RNF144B: variants seen among roughly 807,000 people sequenced by gnomAD.
RNF144B encodes the protein E3 ubiquitin-protein ligase RNF144B.
A neutral mutation model predicts 40.2 loss-of-function variants in RNF144B; 25 were observed. The observed-to-expected ratio is 0.62, with a 90% CI of 0.45 to 0.87. The LOEUF is 0.87. RNF144B is among the 40% of genes least tolerant of loss of function. The probability of loss-of-function intolerance (pLI) is 0.00; values close to 1 mark genes in which losing one functional copy is unlikely to be tolerated. For synonymous variants in RNF144B, 145 were observed against 136.3 expected, an observed-to-expected ratio of 1.06 and a Z score of -0.44; for missense variants, 365 against 373.7, an observed-to-expected ratio of 0.98 and a Z score of 0.19.
At chr6:18,432,645 A>G (rs1024549342) in intron 3 of RNF144B, among the ~76,000 whole-genome samples, 2 of 152,234 alleles carry the variant, frequency 1.3e-5, no homozygotes, top group African/African-American at 4.8e-5. Context: ...AGTAGCATCC[A>G]TCACTTCCTG....
At chr6:18,392,562 T>C (rs1173467925) in intron 1 of RNF144B, among the ~76,000 whole-genome samples, 2 of 152,172 alleles carry the variant, frequency 1.3e-5, no homozygotes, top group Non-Finnish European at 2.9e-5. Context: ...TGTGATCTCA[T>C]TGCCATCCTA....
rs1483904412 is a variant in RNF144B, at chr6:18,414,881, T to C, written c.166-12700T>C. 6.6e-6 allele frequency among the ~76,000 whole-genome samples: 1 copy of C among 152,158 alleles called. No homozygotes were observed. Among genetic ancestry groups the C allele is most frequent in the Non-Finnish European group, 1.5e-5 (1 of 68,020 alleles). The stretch of plus-strand genomic sequence containing the variant: ...AGTTTGTTATGAAACAAGATAAAGA[T>C]TTTTACAACAAATACCTGTAGAGTT... On this transcript the variant is annotated intron_variant, in intron 2 of 7. Coordinates refer to ENST00000259939, the MANE Select transcript of RNF144B (RefSeq NM_182757.4). The surrounding 1 kb of genome is among the most constrained non-coding windows in gnomAD (Gnocchi z 4.9).
rs548292889 is a variant in RNF144B at position 18,450,130 on chromosome 6, T to C, written c.332-7025T>C. Among the ~76,000 whole-genome samples, 1 of 152,362 alleles carries C rather than the reference T, an allele frequency of 6.6e-6. No homozygotes were observed. The highest frequency in any genetic ancestry group is 1.9e-4 in the East Asian group (1 of 5,188). On this transcript the variant is annotated intron_variant, in intron 4 of 7. Transcript: ENST00000259939. This position sits in a 1 kb window ranked among gnomAD's most constrained non-coding sequence, Gnocchi z 4.7. ...CCAGTTTTGGTTTCTCCTCTTTTTG[T>C]GCTGTGCAAATTCTGCACTTTCCCA...
rs1759598328 is a variant in RNF144B at position 18,467,509 on chromosome 6, G to A, written c.*2442G>A. The stretch of plus-strand genomic sequence containing the variant: ...TAACATTGAAAAGTGCCTGAAAAAT[G>A]GTAAATTCTTAAATGTGTGTGAGAT... On this transcript the variant is annotated 3_prime_UTR_variant, in exon 8 of 8. Coordinates refer to ENST00000259939, the MANE Select transcript of RNF144B (RefSeq NM_182757.4). The A allele has an allele frequency of 7.0e-6, 1 of 142,902 alleles. No homozygotes were observed. The highest frequency in any genetic ancestry group is 1.5e-5 in the Non-Finnish European group (1 of 66,722). The allele number at this position is 142,902 out of a possible 1,614,324, so 8.9% of individuals were successfully genotyped here. A position where few individuals can be genotyped will look rare whatever the true frequency, so the allele number is the denominator to read the frequency against.
intron 1 of RNF144B, among the ~76,000 whole-genome samples, chr6:18,393,165 GT>G (rs1794621485): frequency 6.6e-6 from 1 of 151,604 alleles, no homozygotes; most frequent in African/African-American, 2.4e-5. Context: ...GTTTATTTAA[GT>G]AATTGCAGTT....
rs1217623775 is a variant in RNF144B, at chr6:18,434,691, G to A, written c.271-4993G>A. Among the ~76,000 whole-genome samples, 2 of 152,010 alleles carry A rather than the reference G, an allele frequency of 1.3e-5. No individual in the cohort carries two copies. Among genetic ancestry groups the A allele is most frequent in the African/African-American group, 2.4e-5 (1 of 41,392 alleles). On this transcript the variant is annotated intron_variant, in intron 3 of 7. Transcript: ENST00000259939. The surrounding 1 kb of genome is among the most constrained non-coding windows in gnomAD (Gnocchi z 4.1). ...GGCTGGAATGCAGTGGTGCGATCTC[G>A]GCTCACTGCAAGCTCCGCCTCCCAG... is the stretch of plus-strand genomic sequence containing the variant.
chr6:18,408,252 T>A (rs1005840753), intron 2 of RNF144B, among the ~76,000 whole-genome samples: 1 of 152,178 alleles, frequency 6.6e-6, no homozygotes, highest in Non-Finnish European at 1.5e-5. Flanking sequence ...CCCAAAGTGC[T>A]GGGATTACAG....
In RNF144B at chr6:18,467,291, G is replaced by A. The variant is rs9396868; in HGVS notation, c.*2224G>A. On this transcript the variant is annotated 3_prime_UTR_variant, in exon 8 of 8. Transcript: ENST00000259939. ...AAAGACTGTGTTATCAGAGGAAGAGGTCCCAAATTTGGAGTAAAGATGGGA... is the reference window on the plus strand; with the variant it reads ...AAAGACTGTGTTATCAGAGGAAGAGATCCCAAATTTGGAGTAAAGATGGGA... The A allele has an allele frequency of 0.16, 24,055 of 152,174 alleles. 1,977 individuals carry two copies. The highest frequency in any genetic ancestry group is 0.22 in the African/African-American group (8,895 of 41,316). The allele number at this position is 152,174 out of a possible 1,614,324, so 9.4% of individuals were successfully genotyped here. A position where few individuals can be genotyped will look rare whatever the true frequency, so the allele number is the denominator to read the frequency against.
In RNF144B at chr6:18,465,096, T is replaced by C. The variant is rs780189029; in HGVS notation, c.*29T>C. ...TCTCTGTGTTCATACGCCCCAGATA[T>C]GTGAGTTACATGAGATGGCACAGTG... On this transcript the variant is annotated 3_prime_UTR_variant, in exon 8 of 8. Transcript: ENST00000259939. The C allele has an allele frequency of 1.2e-6, 2 of 1,611,036 alleles. No individual in the cohort carries two copies. Among genetic ancestry groups the C allele is most frequent in the East Asian group, 2.2e-5 (1 of 44,748 alleles).
chr6:18,388,741 A>G (rs1562036447), intron 1 of RNF144B, among the ~76,000 whole-genome samples: 1 of 152,160 alleles, frequency 6.6e-6, no homozygotes. Context: ...AGATAATTGT[A>G]TTATGAAATC....
chr6:18,421,744 C>T (rs759669121), intron 2 of RNF144B, among the ~76,000 whole-genome samples: 2 of 152,026 alleles, frequency 1.3e-5, no homozygotes, highest in Non-Finnish European at 2.9e-5. Context: ...CACCTTTGCA[C>T]GCAGTTTGAA....
intron 2 of RNF144B, among the ~76,000 whole-genome samples, chr6:18,423,334 A>T (rs544053): frequency 0.99 from 150,019 of 152,286 alleles, 73,930 homozygotes; most frequent in East Asian, 1. Context: ...CATTGGCTAT[A>T]GATTATAATG....
Position 18,422,572 on chromosome 6 carries a change from A to T in RNF144B, c.166-5009A>T, listed in dbSNP as rs1466848100. Among the ~76,000 whole-genome samples the T allele has an allele frequency of 2.0e-5, 3 of 151,924 alleles. No individual in the cohort carries two copies. The highest frequency in any genetic ancestry group is 7.3e-5 in the African/African-American group (3 of 41,258). On this transcript the variant is annotated intron_variant, in intron 2 of 7. Coordinates refer to ENST00000259939, the MANE Select transcript of RNF144B (RefSeq NM_182757.4). This position sits in a 1 kb window ranked among gnomAD's most constrained non-coding sequence, Gnocchi z 4.7. ...ACCTAGGTCAATAGTTCACCAACTC[A>T]CCTTCAAGCCAGGTGGGCTGACAAG...
rs1290767360 is a variant in RNF144B at position 18,448,320 on chromosome 6, C to A, written c.331+8576C>A. On this transcript the variant is annotated intron_variant, in intron 4 of 7. Transcript: ENST00000259939. The surrounding 1 kb of genome is among the most constrained non-coding windows in gnomAD (Gnocchi z 4.0). The stretch of plus-strand genomic sequence containing the variant: ...TTACTTGGGGGTAGGTTTAGGTCAT[C>A]TCTATCAGGAAAGAAGGTGGAGAGG... 6.6e-6 allele frequency among the ~76,000 whole-genome samples: 1 copy of A among 151,870 alleles called. No homozygotes were observed. The highest frequency in any genetic ancestry group is 1.9e-4 in the East Asian group (1 of 5,170).
In RNF144B at chr6:18,443,916, A is replaced by C. The variant is rs72832476; in HGVS notation, c.331+4172A>C. On this transcript the variant is annotated intron_variant, in intron 4 of 7. Coordinates refer to ENST00000259939, the MANE Select transcript of RNF144B (RefSeq NM_182757.4). This position sits in a 1 kb window ranked among gnomAD's most constrained non-coding sequence, Gnocchi z 4.7. Reference sequence around the variant, plus strand: ...TAAATGACTAACCAACTGAAAGAAAATCTCATTGGCTGGACTGTGAGACAG... The same window carrying C: ...TAAATGACTAACCAACTGAAAGAAACTCTCATTGGCTGGACTGTGAGACAG... 0.011 allele frequency among the ~76,000 whole-genome samples: 1,665 copies of C among 152,282 alleles called. 22 individuals are homozygous for C. The highest frequency in any genetic ancestry group is 0.027 in the Middle Eastern group (8 of 294).
At chr6:18,463,193 GA>G (rs1759505510) in intron 6 of RNF144B, 97 bp from the exon 7 acceptor site, 1 of 749,344 alleles carries the variant, frequency 1.3e-6, no homozygotes, top group Admixed American at 2.0e-5. Flanking sequence ...TATCACCAGA[GA>G]AAAACTTTGC....
intron 2 of RNF144B, among the ~76,000 whole-genome samples, chr6:18,403,484 T>C (rs187590745): frequency 6.6e-6 from 1 of 152,352 alleles, no homozygotes; most frequent in East Asian, 1.9e-4. Context: ...TATTCTTGCC[T>C]TTTTTCCATT....
chr6:18,397,047 TTTAA>T (rs1002455879), intron 1 of RNF144B, among the ~76,000 whole-genome samples: 1 of 152,196 alleles, frequency 6.6e-6, no homozygotes, highest in Non-Finnish European at 1.5e-5. Flanking sequence ...TAGCTTCCTA[TTTAA>T]TTATTTTGAA....
chr6:18,459,088 T>C lies in RNF144B; in HGVS notation c.537-519T>C, dbSNP rs916710266. On this transcript the variant is annotated intron_variant, in intron 5 of 7. Coordinates refer to ENST00000259939, the MANE Select transcript of RNF144B (RefSeq NM_182757.4). This position sits in a 1 kb window ranked among gnomAD's most constrained non-coding sequence, Gnocchi z 4.2. The stretch of plus-strand genomic sequence containing the variant: ...CTAAAGTGTTACATGGTGCTATCGC[T>C]CACTCCAATTCCTGTTGCTTATTTT... Among the ~76,000 whole-genome samples the C allele has an allele frequency of 2.0e-5, 3 of 152,218 alleles. No homozygotes were observed. Among genetic ancestry groups the C allele is most frequent in the South Asian group, 2.1e-4 (1 of 4,834 alleles).
Sources: gnomAD v4.1 joint callset for allele counts (sites outside exome capture counted in the v4.1 genomes callset) on GRCh38, gnomAD v4.1.1 for gene constraint, Gnocchi (gnomAD v3.1) non-coding constraint, MANE v1.5 for transcripts, NCBI Gene and HGNC (gene_info 2026-07-23, HGNC 2026-07-21) for gene names.